Variants in ACSM4 observed in about 807,000 individuals in gnomAD.
ACSM4 encodes the protein acyl-coenzyme A synthetase ACSM4, mitochondrial.
In ACSM4, 66 loss-of-function variants were observed where a neutral mutation model predicts 73.0. The observed-to-expected ratio is 0.90, with a 90% CI of 0.74 to 1.11. The LOEUF (loss-of-function observed/expected upper bound fraction) is 1.11, where lower values mean the gene tolerates loss of function less well. Ranked by LOEUF, ACSM4 falls within the 50% of genes least tolerant of loss-of-function variation. The probability of loss-of-function intolerance (pLI) is 0.00; values close to 1 mark genes in which losing one functional copy is unlikely to be tolerated. For synonymous variants in ACSM4, 222 were observed against 254.0 expected, an observed-to-expected ratio of 0.87 and a Z score of 1.20; for missense variants, 645 against 714.4, an observed-to-expected ratio of 0.90 and a Z score of 1.11.
Position 7,318,183 on chromosome 12 carries a change from GT to G in ACSM4, c.921+2del. The G allele has an allele frequency of 6.2e-7, 1 of 1,612,756 alleles. No individual in the cohort carries two copies. Among genetic ancestry groups the G allele is most frequent in the Non-Finnish European group, 8.5e-7 (1 of 1,179,674 alleles). On this transcript the variant is annotated splice_donor_variant, in intron 5 of 12. Transcript: ENST00000399422. LOFTEE classifies it high-confidence loss of function. ...GTTTGACACTGACACCTTCCTAGAC[GT>G]AAGTCATGTCCTCCAGCTAGATAGA...
At chr12:7,306,276 A>T (rs534020567) in intron 1 of ACSM4, among the ~76,000 whole-genome samples, 1 of 152,236 alleles carries the variant, frequency 6.6e-6, no homozygotes, top group Non-Finnish European at 1.5e-5. Context: ...CAAAAAGTCC[A>T]GAGAGAGAAG....
intron 11 of ACSM4, among the ~76,000 whole-genome samples, chr12:7,325,290 A>G (rs931188336): frequency 6.6e-6 from 1 of 152,256 alleles, no homozygotes; most frequent in African/African-American, 2.4e-5. Flanking sequence ...AAAGCCACAG[A>G]TTTCACTGAA....
intron 2 of ACSM4, among the ~76,000 whole-genome samples, chr12:7,309,560 T>G (rs1466638471): frequency 6.6e-6 from 1 of 152,170 alleles, no homozygotes; most frequent in South Asian, 2.1e-4. Flanking sequence ...TCTTTAAAAT[T>G]TTTAATATTA....
At chr12:7,324,635 A>G in intron 11 of ACSM4, 37 bp downstream of exon 11, 1 of 1,601,466 alleles carries the variant, frequency 6.2e-7, no homozygotes, top group African/African-American at 1.3e-5. Context: ...GCAACATCAT[A>G]TTTTCAAGTT....
intron 3 of ACSM4, among the ~76,000 whole-genome samples, chr12:7,313,967 T>C (rs1306764995): frequency 6.6e-6 from 1 of 152,142 alleles, no homozygotes; most frequent in Non-Finnish European, 1.5e-5. Context: ...TTTAAATAGA[T>C]TTATCTGGCA....
chr12:7,315,033 T>C (rs1946411342), intron 3 of ACSM4, among the ~76,000 whole-genome samples: 1 of 151,896 alleles, frequency 6.6e-6, no homozygotes, highest in Non-Finnish European at 1.5e-5. Flanking sequence ...TCATCTCTAC[T>C]AAAAATACAA....
At chr12:7,318,274 T>G in intron 5 of ACSM4, 92 bp downstream of exon 5, 1 of 1,490,382 alleles carries the variant, frequency 6.7e-7, no homozygotes, top group Non-Finnish European at 9.0e-7. Context: ...ATACAAGGCT[T>G]CTTGGGCTTT....
rs747862119 is a variant in ACSM4, at chr12:7,326,592, T to C, written c.1537-384T>C. ...AACTGCTTTGAAACCACATATTCTC[T>C]AGGAACTCCATTTGTTCCCCTGCTA... On this transcript the variant is annotated intron_variant, in intron 11 of 12. Coordinates refer to ENST00000399422, the MANE Select transcript of ACSM4 (RefSeq NM_001080454.2). Among the ~76,000 whole-genome samples the C allele has an allele frequency of 4.6e-5, 7 of 152,320 alleles. No homozygotes were observed. The East Asian group carries it at 1.3e-3, about 29-fold the overall frequency.
In ACSM4 at chr12:7,306,656, T is replaced by C; in HGVS notation, c.325T>C (p.Cys109Arg). The C allele has an allele frequency of 6.2e-7, 1 of 1,610,378 alleles. No homozygotes were observed. The highest frequency in any genetic ancestry group is 1.1e-5 in the South Asian group (1 of 90,008). The change falls in exon 2 of 13, where the codon TGT (cysteine) becomes CGT (arginine). Residue 109 changes from cysteine to arginine, a missense_variant. Coordinates refer to ENST00000399422, the MANE Select transcript of ACSM4 (RefSeq NM_001080454.2). Reference sequence around the variant, plus strand: ...AGCTGCCAACGTGCTCACCAAGCCCTGTGGCCTGCAGAGAGGAGACCGTTT... The same window carrying C: ...AGCTGCCAACGTGCTCACCAAGCCCCGTGGCCTGCAGAGAGGAGACCGTTT... Reference protein sequence around the residue: ...RKAANVLTKPCGLQRGDRLAV... With the variant: ...RKAANVLTKPRGLQRGDRLAV...
intron 3 of ACSM4, among the ~76,000 whole-genome samples, chr12:7,313,973 T>C (rs1230000095): frequency 6.6e-6 from 1 of 152,192 alleles, no homozygotes; most frequent in Admixed American, 6.5e-5. Context: ...TAGATTTATC[T>C]GGCAAATATG....
chr12:7,323,272 A>G lies in ACSM4; in HGVS notation c.1164A>G (p.Lys388=). ...ICANQKGQEI[K]PGSMGKGMLP... is the part of the protein sequence containing the mutation. ...CCAATCAGAAAGGCCAAGAAATTAA[A>G]CCAGGTTCAATGGGGAAAGGAATGC... The change falls in exon 8 of 13, where the codon AAA becomes AAG. Residue 388 remains lysine, a synonymous_variant. Transcript: ENST00000399422. The G allele has an allele frequency of 1.2e-6, 2 of 1,611,310 alleles. No individual in the cohort carries two copies. The highest frequency in any genetic ancestry group is 1.3e-5 in the African/African-American group (1 of 75,020).
At chr12:7,319,458 G>A (rs763411803) in intron 5 of ACSM4, among the ~76,000 whole-genome samples, 3 of 151,966 alleles carry the variant, frequency 2.0e-5, no homozygotes, top group Non-Finnish European at 4.4e-5. Context: ...AGGCATGGTG[G>A]TGGGTGCCTG....
chr12:7,309,836 T>TA (rs1946380460), intron 2 of ACSM4, among the ~76,000 whole-genome samples: 1 of 152,240 alleles, frequency 6.6e-6, no homozygotes, highest in Non-Finnish European at 1.5e-5. Context: ...AAGGCTAGAA[T>TA]ACAGTGGTAT....
intron 3 of ACSM4, among the ~76,000 whole-genome samples, chr12:7,312,187 CTT>C (rs922873875): frequency 1.3e-5 from 2 of 152,198 alleles, no homozygotes; most frequent in African/African-American, 4.8e-5. Flanking sequence ...AAAGCAGAGA[CTT>C]TGTTTGGTTG....
Position 7,304,478 on chromosome 12 carries a change from T to C in ACSM4, c.147T>C (p.Pro49=). The C allele has an allele frequency of 6.2e-7, 1 of 1,613,974 alleles. No homozygotes were observed. Among genetic ancestry groups the C allele is most frequent in the Non-Finnish European group, 8.5e-7 (1 of 1,179,862 alleles). ...EAINRCNRPL[P]KNFNFAADVL... is the part of the protein sequence containing the mutation. Reference sequence around the variant, plus strand: ...TAAATCGCTGTAACAGGCCATTGCCTAAAAACTTTAACTTTGCTGCAGATG... The same window carrying C: ...TAAATCGCTGTAACAGGCCATTGCCCAAAAACTTTAACTTTGCTGCAGATG... Residue 49 remains proline, a synonymous_variant, in exon 1 of 13, where the codon CCT becomes CCC. Transcript: ENST00000399422.
chr12:7,308,863 G>C (rs1014581736), intron 2 of ACSM4, among the ~76,000 whole-genome samples: 6 of 152,252 alleles, frequency 3.9e-5, no homozygotes, highest in African/African-American at 9.6e-5. Context: ...CAAGAAATGA[G>C]TAGTTTGGCT....
chr12:7,322,345 A>G (rs775937290), intron 6 of ACSM4, 73 bp from the exon 7 acceptor site: 231 of 1,596,068 alleles, frequency 1.4e-4, no homozygotes, highest in Non-Finnish European at 1.7e-4. Flanking sequence ...TTACTGCTTG[A>G]ATGTCCTAAT....
At chr12:7,319,805 G>A (rs1946446325) in intron 5 of ACSM4, among the ~76,000 whole-genome samples, 2 of 152,060 alleles carry the variant, frequency 1.3e-5, no homozygotes, top group Admixed American at 1.3e-4. Flanking sequence ...GTGCCCTAAA[G>A]TTGGTAAGTT....
chr12:7,326,562 C>T (rs941024548), intron 11 of ACSM4, among the ~76,000 whole-genome samples: 1 of 152,118 alleles, frequency 6.6e-6, no homozygotes, highest in Non-Finnish European at 1.5e-5. Flanking sequence ...CGTTGAGACC[C>T]TCCAAACTGC....
Sources: gnomAD v4.1 joint callset for allele counts (sites outside exome capture counted in the v4.1 genomes callset) on GRCh38, gnomAD v4.1.1 for gene constraint, MANE v1.5 for transcripts, NCBI Gene and HGNC (gene_info 2026-07-23, HGNC 2026-07-21) for gene names.